Variants in ZYG11B observed in about 807,000 individuals in gnomAD.
The protein encoded by ZYG11B is protein zyg-11 homolog B.
In ZYG11B, 36 loss-of-function variants were observed where a neutral mutation model predicts 82.4. That is an observed-to-expected ratio of 0.44 (90% CI 0.33 to 0.58). The LOEUF is 0.58. Ranked by LOEUF, ZYG11B falls within the 20% of genes least tolerant of loss-of-function variation. The pLI is 0.02. For missense variants in ZYG11B, 552 were observed against 895.6 expected, an observed-to-expected ratio of 0.62 and a Z score of 4.90; for synonymous variants, 303 against 312.8, an observed-to-expected ratio of 0.97 and a Z score of 0.33.
intron 1 of ZYG11B, among the ~76,000 whole-genome samples, chr1:52,752,181 G>A (rs1644532044): frequency 6.6e-6 from 1 of 152,122 alleles, no homozygotes; most frequent in African/African-American, 2.4e-5. Context: ...CAAATTGGAG[G>A]TTCCCACACC....
intron 1 of ZYG11B, among the ~76,000 whole-genome samples, chr1:52,737,465 T>C (rs561107154): frequency 2.6e-5 from 4 of 152,312 alleles, no homozygotes; most frequent in Admixed American, 6.5e-5. Context: ...TAAGTACTTA[T>C]CAATATTGAA....
chr1:52,790,109 T>C (rs1644944082), intron 6 of ZYG11B, 42 bp downstream of exon 6: 1 of 1,422,062 alleles, frequency 7.0e-7, no homozygotes, highest in Middle Eastern at 1.8e-4. Context: ...CAAAACAGAA[T>C]GTTAGAAATC....
chr1:52,756,815 C>CTTTTT (rs57189955), intron 2 of ZYG11B, among the ~76,000 whole-genome samples, 192 bp downstream of exon 2: 2 of 132,562 alleles, frequency 1.5e-5, no homozygotes, highest in Non-Finnish European at 3.2e-5. Flanking sequence ...AAACATTTTT[C>CTTTTT]TTTTTTTTTT....
chr1:52,810,822 G>A (rs1034400077), intron 10 of ZYG11B, among the ~76,000 whole-genome samples: 20 of 152,134 alleles, frequency 1.3e-4, no homozygotes, highest in Non-Finnish European at 2.2e-4. Flanking sequence ...ATCACCTGAG[G>A]TCAGGAGTTC....
chr1:52,811,844 C>T (rs1645186269), intron 10 of ZYG11B, among the ~76,000 whole-genome samples: 2 of 152,086 alleles, frequency 1.3e-5, no homozygotes, highest in Non-Finnish European at 2.9e-5. Flanking sequence ...TCCTGGCTAA[C>T]ATGGTGAAAC....
intron 8 of ZYG11B, among the ~76,000 whole-genome samples, chr1:52,800,161 A>T (rs911047360): frequency 1.3e-5 from 2 of 151,864 alleles, no homozygotes; most frequent in Non-Finnish European, 2.9e-5. Context: ...CTGTGGTCTC[A>T]GCTACTCAGG....
In ZYG11B at chr1:52,821,851, T is replaced by C; in HGVS notation, c.*222T>C. On this transcript the variant is annotated 3_prime_UTR_variant, in exon 14 of 14. Transcript: ENST00000294353. ...GGGTCTCTTCCTTTATCATTGCCTTTTAGGAAATTTTCCACATCTTTCAGT... is the reference window on the plus strand; with the variant it reads ...GGGTCTCTTCCTTTATCATTGCCTTCTAGGAAATTTTCCACATCTTTCAGT... 1 of 391,608 alleles carries C rather than the reference T, an allele frequency of 2.6e-6. No homozygotes were observed. The highest frequency in any genetic ancestry group is 2.0e-5 in the African/African-American group (1 of 49,034). The allele number at this position is 391,608 out of a possible 1,614,324, so 24.3% of individuals were successfully genotyped here.
Position 52,826,993 on chromosome 1 carries a change from T to A in ZYG11B, c.*5364T>A, listed in dbSNP as rs1478930381. The stretch of plus-strand genomic sequence containing the variant: ...TTAAAAACTTTATACTCTCAGATAA[T>A]CTGCAACAACAAAAATTAAGAAATC... On this transcript the variant is annotated 3_prime_UTR_variant, in exon 14 of 14. Transcript: ENST00000294353. 6.6e-6 allele frequency: 1 copy of A among 152,184 alleles called. No individual in the cohort carries two copies. The highest frequency in any genetic ancestry group is 6.6e-5 in the Admixed American group (1 of 15,266). The allele number at this position is 152,184 out of a possible 1,614,324, so 9.4% of individuals were successfully genotyped here.
At chr1:52,816,677 T>A in intron 13 of ZYG11B, 48 bp downstream of exon 13, 1 of 1,361,590 alleles carries the variant, frequency 7.3e-7, no homozygotes, top group Non-Finnish European at 1.0e-6. Flanking sequence ...TAAGTGAAAT[T>A]CTCATTTCCC....
At chr1:52,772,743 T>C (rs935720664) in intron 3 of ZYG11B, 4 of 627,316 alleles carry the variant, frequency 6.4e-6, no homozygotes, top group Non-Finnish European at 8.6e-6. Flanking sequence ...AGTGGCGCTA[T>C]CTTGGCTCAC....
chr1:52,776,500 C>G (rs1644811789), intron 3 of ZYG11B, among the ~76,000 whole-genome samples: 2 of 145,140 alleles, frequency 1.4e-5, no homozygotes, highest in African/African-American at 5.1e-5. Context: ...TGCCACTGCA[C>G]TCCAGACTGA....
chr1:52,736,364 C>T (rs539716140), intron 1 of ZYG11B, among the ~76,000 whole-genome samples: 7 of 152,284 alleles, frequency 4.6e-5, no homozygotes, highest in Middle Eastern at 3.4e-3. Flanking sequence ...ACTAGAACCT[C>T]TGCCTCCCGG....
At chr1:52,803,161 TATATATACACAC>T (rs1277250575) in intron 10 of ZYG11B, among the ~76,000 whole-genome samples, 817 of 78,094 alleles carry the variant, frequency 0.01, 62 homozygotes, top group Middle Eastern at 0.073. Flanking sequence ...TATACACATA[TATATATACACAC>T]ATATATATAT....
chr1:52,799,605 C>A (rs1048181406), intron 8 of ZYG11B, among the ~76,000 whole-genome samples: 5 of 151,476 alleles, frequency 3.3e-5, no homozygotes, highest in African/African-American at 4.9e-5. Flanking sequence ...CTCATGGTGT[C>A]AAACATGGTG....
At chr1:52,758,733 A>C (rs1028521597) in intron 2 of ZYG11B, among the ~76,000 whole-genome samples, 1 of 152,156 alleles carries the variant, frequency 6.6e-6, no homozygotes, top group Non-Finnish European at 1.5e-5. Context: ...GAAGACCTCT[A>C]CATTGCTTGT....
intron 1 of ZYG11B, among the ~76,000 whole-genome samples, chr1:52,731,415 CA>C (rs1257151281): frequency 2.6e-5 from 4 of 152,060 alleles, no homozygotes; most frequent in East Asian, 3.8e-4. Context: ...AAACGCTGTC[CA>C]AAAAACCTAG....
chr1:52,799,436 G>A (rs951094024), intron 8 of ZYG11B, among the ~76,000 whole-genome samples: 5 of 150,828 alleles, frequency 3.3e-5, no homozygotes, highest in South Asian at 2.1e-4. Context: ...CCAATGAGCC[G>A]AGATAATGCC....
At chr1:52,757,558 T>G (rs1170793116) in intron 2 of ZYG11B, among the ~76,000 whole-genome samples, 4 of 151,698 alleles carry the variant, frequency 2.6e-5, no homozygotes, top group Non-Finnish European at 5.9e-5. Context: ...GCCTATAATC[T>G]CAGCTACTCG....
At chr1:52,809,845 A>G (rs1427930950) in intron 10 of ZYG11B, among the ~76,000 whole-genome samples, 1 of 152,020 alleles carries the variant, frequency 6.6e-6, no homozygotes, top group Non-Finnish European at 1.5e-5. Context: ...TCCTTTGCCC[A>G]TTTTTAAATT....
Sources: gnomAD v4.1 joint callset for allele counts (sites outside exome capture counted in the v4.1 genomes callset) on GRCh38, gnomAD v4.1.1 for gene constraint, MANE v1.5 for transcripts, NCBI Gene and HGNC (gene_info 2026-07-23, HGNC 2026-07-21) for gene names.